Variants in OTOGL observed in about 807,000 individuals in gnomAD.
The protein encoded by OTOGL is otogelin-like protein.
Under a neutral mutation model 318.5 loss-of-function variants are expected in OTOGL, and 285 were observed. The observed-to-expected ratio is 0.89, with a 90% CI of 0.81 to 0.99. OTOGL has a LOEUF of 0.99. Among genes scored for constraint, OTOGL ranks in the 50% least tolerant of loss-of-function variants. The pLI is 0.00. For missense variants in OTOGL, 2,899 were observed against 2,845.6 expected (o/e 1.02, Z -0.43); for synonymous variants, 987 against 936.5 (o/e 1.05, Z -0.99).
intron 26 of OTOGL, among the ~76,000 whole-genome samples, chr12:80,296,293 T>C (rs1194265699): frequency 3.9e-5 from 6 of 152,188 alleles, no homozygotes; most frequent in African/African-American, 1.4e-4. Context: ...TAATACCCAA[T>C]TCAAAAAGTT....
At chr12:80,186,401 C>A (rs893515148) in intron 1 of OTOGL, among the ~76,000 whole-genome samples, 2 of 152,088 alleles carry the variant, frequency 1.3e-5, no homozygotes. Context: ...CATTACCTCT[C>A]GGATGTCTCT....
At chr12:80,143,959 A>G (rs1206729742) in intron 1 of OTOGL, among the ~76,000 whole-genome samples, 1 of 152,178 alleles carries the variant, frequency 6.6e-6, no homozygotes, top group African/African-American at 2.4e-5. Flanking sequence ...ATTTACACTC[A>G]GAAAATAACT....
At chr12:80,252,435 A>G (rs776139485) in intron 13 of OTOGL, among the ~76,000 whole-genome samples, 13 of 152,182 alleles carry the variant, frequency 8.5e-5, no homozygotes, top group Non-Finnish European at 1.9e-4. Flanking sequence ...TCCTGAAGTT[A>G]CCCATGAGAA....
intron 1 of OTOGL, among the ~76,000 whole-genome samples, chr12:80,147,683 G>A (rs900866681): frequency 2.0e-5 from 3 of 152,030 alleles, no homozygotes; most frequent in African/African-American, 2.4e-5. Flanking sequence ...TTAATGTGTG[G>A]GAGTCTAAGT....
chr12:80,320,694 ATAGAAGGTATGTTTCC>A lies in OTOGL; in HGVS notation c.4077_4081+11del. 1 of 1,597,302 alleles carries A rather than the reference ATAGAAGGTATGTTTCC, an allele frequency of 6.3e-7. No homozygotes were observed. The highest frequency in any genetic ancestry group is 1.1e-5 in the South Asian group (1 of 88,570). Reference sequence around the variant, plus strand: ...ATTTAAACATTCAAGTAGCTTCAGCATAGAAGGTATGTTTCCTGAGATCTCCAAAAAGAGAACAAAT... The same window carrying A: ...ATTTAAACATTCAAGTAGCTTCAGCATGAGATCTCCAAAAAGAGAACAAAT... On this transcript the variant is annotated splice_donor_variant and splice_donor_5th_base_variant and coding_sequence_variant and intron_variant, in exon 34 of 59. Transcript: ENST00000547103. LOFTEE classifies it high-confidence loss of function.
intron 1 of OTOGL, among the ~76,000 whole-genome samples, chr12:80,203,578 G>C (rs888804733): frequency 6.6e-6 from 1 of 152,146 alleles, no homozygotes; most frequent in African/African-American, 2.4e-5. Flanking sequence ...GTGAGTGGGA[G>C]GAGTTTCTTT....
intron 1 of OTOGL, among the ~76,000 whole-genome samples, chr12:80,137,142 T>C (rs926494044): frequency 6.6e-6 from 1 of 152,194 alleles, no homozygotes; most frequent in African/African-American, 2.4e-5. Context: ...ACAGGAAATA[T>C]TTAATCTCTC....
chr12:80,201,962 A>G (rs1876488037), intron 1 of OTOGL, among the ~76,000 whole-genome samples: 1 of 152,138 alleles, frequency 6.6e-6, no homozygotes, highest in Non-Finnish European at 1.5e-5. Flanking sequence ...TCTGCATTCT[A>G]CCATCTGATT....
At chr12:80,202,124 T>C (rs1876499434) in intron 1 of OTOGL, among the ~76,000 whole-genome samples, 1 of 152,162 alleles carries the variant, frequency 6.6e-6, no homozygotes, top group African/African-American at 2.4e-5. Flanking sequence ...GTTCTCTTAG[T>C]TCTGACTCCT....
intron 33 of OTOGL, among the ~76,000 whole-genome samples, chr12:80,319,285 G>A (rs950373644): frequency 3.3e-5 from 5 of 152,096 alleles, no homozygotes; most frequent in African/African-American, 1.2e-4. Context: ...TGTTCTGATT[G>A]GTGGTAGTTT....
chr12:80,125,266 A>G lies in OTOGL; in HGVS notation c.-20+25661A>G, dbSNP rs527794441. ...GCATGAAGGGTTGTTGAATTTTGTC[A>G]AAGGCCTTTTCTGCATCTATTGAGA... On this transcript the variant is annotated intron_variant, in intron 1 of 58. Transcript: ENST00000547103. 3.0e-3 allele frequency among the ~76,000 whole-genome samples: 461 copies of G among 152,304 alleles called. 1 individual carries two copies. Among genetic ancestry groups the G allele is most frequent in the African/African-American group, 7.3e-3 (303 of 41,570 alleles).
chr12:80,329,256 T>A lies in OTOGL; in HGVS notation c.4348+137T>A, dbSNP rs7304059. On this transcript the variant is annotated intron_variant, in intron 37 of 58. Transcript: ENST00000547103. ...TAGGAAACCCAGCAGTCACTTTTGC[T>A]TCATTAAGCTTGTCCATTGGCTCAA... is the stretch of plus-strand genomic sequence containing the variant. 1.2e-3 allele frequency: 776 copies of A among 639,266 alleles called. 7 individuals carry two copies. In the African/African-American group the frequency reaches 0.013, roughly 11 times the overall value. 39.6% of individuals were successfully genotyped at this position (639,266 alleles called of 1,614,324 possible). A position where few individuals can be genotyped will look rare whatever the true frequency, so the allele number is the denominator to read the frequency against.
intron 1 of OTOGL, among the ~76,000 whole-genome samples, chr12:80,158,462 A>G (rs1175736157): frequency 1.3e-5 from 2 of 152,188 alleles, no homozygotes; most frequent in East Asian, 3.9e-4. Flanking sequence ...AGGAAAGGTT[A>G]TCTCTGAAAT....
Position 80,339,149 on chromosome 12 carries a change from GTA to G in OTOGL, c.4937_4938del (p.Tyr1646CysfsTer28). 1 of 1,611,132 alleles carries G rather than the reference GTA, an allele frequency of 6.2e-7. No individual in the cohort carries two copies. The highest frequency in any genetic ancestry group is 8.5e-7 in the Non-Finnish European group (1 of 1,177,476). ...ELSIEDSGSM[Y>X]VITTPAGLII... is the part of the protein sequence containing the mutation. Reference sequence around the variant, plus strand: ...TGTCCATAGAGGATTCTGGTTCAATGTATGTAATTACTACTCCAGCTGGACTA... The same window carrying G: ...TGTCCATAGAGGATTCTGGTTCAATGTGTAATTACTACTCCAGCTGGACTA... On this transcript the variant is annotated frameshift_variant, in exon 43 of 59. Transcript: ENST00000547103. LOFTEE classifies it high-confidence loss of function.
chr12:80,216,514 T>G (rs1877734479), intron 4 of OTOGL, among the ~76,000 whole-genome samples: 1 of 152,360 alleles, frequency 6.6e-6, no homozygotes. Context: ...CTTAGCCATA[T>G]AGATCTTTTA....
intron 11 of OTOGL, among the ~76,000 whole-genome samples, chr12:80,243,774 A>G (rs1160747757): frequency 6.7e-6 from 1 of 148,806 alleles, no homozygotes; most frequent in Admixed American, 6.7e-5. Context: ...TATAACAAAT[A>G]TATAATAAAC....
chr12:80,360,627 G>A (rs536215040), intron 52 of OTOGL, among the ~76,000 whole-genome samples: 21 of 151,892 alleles, frequency 1.4e-4, no homozygotes, highest in Middle Eastern at 3.4e-3. Context: ...GACTGCAGGC[G>A]TGTGCCACCA....
At chr12:80,192,396 G>T (rs574805322) in intron 1 of OTOGL, among the ~76,000 whole-genome samples, 1 of 152,290 alleles carries the variant, frequency 6.6e-6, no homozygotes, top group South Asian at 2.1e-4. Flanking sequence ...CCTCCCCATG[G>T]AATTCTCTTC....
intron 43 of OTOGL, among the ~76,000 whole-genome samples, chr12:80,339,794 G>T (rs1009825305): frequency 1.3e-5 from 2 of 152,040 alleles, no homozygotes; most frequent in Non-Finnish European, 2.9e-5. Flanking sequence ...GAAATGTAAA[G>T]CTTAGATATA....
Sources: gnomAD v4.1 joint callset for allele counts (sites outside exome capture counted in the v4.1 genomes callset) on GRCh38, gnomAD v4.1.1 for gene constraint, MANE v1.5 for transcripts, NCBI Gene and HGNC (gene_info 2026-07-23, HGNC 2026-07-21) for gene names.